The following OSBPL9 variants were observed in gnomAD, a reference collection of about 807,000 sequenced individuals.
The protein encoded by OSBPL9 is oxysterol-binding protein-related protein 9.
Under a neutral mutation model 106.6 loss-of-function variants are expected in OSBPL9, and 40 were observed. That is an observed-to-expected ratio of 0.38 (90% CI 0.29 to 0.49). OSBPL9 has a LOEUF of 0.49. Ranked by LOEUF, OSBPL9 falls within the 20% of genes least tolerant of loss-of-function variation. The pLI, the probability that OSBPL9 is intolerant of heterozygous loss-of-function variation, is 0.97. For missense variants in OSBPL9, 609 were observed against 887.2 expected, an observed-to-expected ratio of 0.69 and a Z score of 3.98; for synonymous variants, 269 against 295.4, an observed-to-expected ratio of 0.91 and a Z score of 0.92.
At chr1:51,533,770 G>A in the OSBPL9 span, among the ~76,000 whole-genome samples, 1 of 151,640 alleles carries the variant, frequency 6.6e-6, no homozygotes, top group Non-Finnish European at 1.5e-5. Flanking sequence ...AAATTATCTG[G>A]AACAGGCAAG....
chr1:51,527,674 G>A, the OSBPL9 span, among the ~76,000 whole-genome samples: 1 of 152,126 alleles, frequency 6.6e-6, no homozygotes, highest in Non-Finnish European at 1.5e-5. Context: ...GATTACAGAT[G>A]TGAGTCACTG....
At chr1:51,768,229 C>T (rs1206453776) in intron 12 of OSBPL9, among the ~76,000 whole-genome samples, 4 of 151,282 alleles carry the variant, frequency 2.6e-5, no homozygotes, top group Non-Finnish European at 5.9e-5. Flanking sequence ...GCATGAGCCA[C>T]CGCGCCCAGC....
At chr1:51,635,949 C>CTATTTATAGCTATAAGCTA (rs1553154449) in intron 1 of OSBPL9, among the ~76,000 whole-genome samples, 6 of 151,958 alleles carry the variant, frequency 3.9e-5, no homozygotes, top group Admixed American at 2.6e-4. Flanking sequence ...TATTTATAAT[C>CTATTTATAGCTATAAGCTA]TTTATCATGC....
In OSBPL9 at chr1:51,597,423, ATGTGTGTGTG is replaced by A. The variant is rs71063046; in HGVS notation, c.-422-673_-422-664del. 3.2e-3 allele frequency among the ~76,000 whole-genome samples: 440 copies of A among 135,834 alleles called. 2 individuals carry two copies. The highest frequency in any genetic ancestry group is 4.2e-3 in the Non-Finnish European group (270 of 64,828). 89.1% of individuals were successfully genotyped at this position (135,834 alleles called of 152,430 possible). ...AATATATGTGTGTATATATATATAT[ATGTGTGTGTG>A]TGTGTGTGTGTGTGTGTGTGTGTGT... On this transcript the variant is annotated intron_variant, in intron 1 of 25. Transcript: ENST00000371714.
the OSBPL9 span, among the ~76,000 whole-genome samples, chr1:51,521,598 C>A: frequency 6.7e-6 from 1 of 150,058 alleles, no homozygotes; most frequent in Non-Finnish European, 1.5e-5. Flanking sequence ...CTTACCCAGG[C>A]ATGGTGGCAC....
chr1:51,638,651 C>A (rs1379486674), intron 1 of OSBPL9, among the ~76,000 whole-genome samples: 2 of 151,962 alleles, frequency 1.3e-5, no homozygotes, highest in East Asian at 3.9e-4. Context: ...AGGCAGATCC[C>A]TTGAGTTCAG....
intron 3 of OSBPL9, among the ~76,000 whole-genome samples, chr1:51,685,208 G>A (rs1194386962): frequency 6.6e-6 from 1 of 152,104 alleles, no homozygotes; most frequent in East Asian, 1.9e-4. Context: ...TAATACCAAG[G>A]TTTTTGCATT....
At chr1:51,754,334 C>G (rs1669898265) in intron 8 of OSBPL9, among the ~76,000 whole-genome samples, 1 of 152,222 alleles carries the variant, frequency 6.6e-6, no homozygotes, top group Non-Finnish European at 1.5e-5. Context: ...ATAGTTGCTA[C>G]AAACTTAAAC....
chr1:51,719,288 G>T (rs1467472218), intron 4 of OSBPL9, among the ~76,000 whole-genome samples: 1 of 152,142 alleles, frequency 6.6e-6, no homozygotes, highest in African/African-American at 2.4e-5. Context: ...TCAGCTTATG[G>T]TATCTTTTCA....
chr1:51,621,566 CTT>C (rs1039567436), intron 1 of OSBPL9, among the ~76,000 whole-genome samples: 1 of 151,462 alleles, frequency 6.6e-6, no homozygotes, highest in African/African-American at 2.4e-5. Context: ...TATCAAAACA[CTT>C]TTATTACAGC....
chr1:51,685,413 C>CT (rs201739183), intron 3 of OSBPL9, among the ~76,000 whole-genome samples: 2,298 of 146,512 alleles, frequency 0.016, 51 homozygotes, highest in African/African-American at 0.05. Context: ...CCATGATAAT[C>CT]TTTTTTTTTT....
intron 13 of OSBPL9, among the ~76,000 whole-genome samples, 170 bp from the exon 14 acceptor site, chr1:51,772,435 A>G (rs575479204): frequency 6.6e-6 from 1 of 152,324 alleles, no homozygotes; most frequent in East Asian, 1.9e-4. Context: ...GAATTGCTTG[A>G]ACCTGGAAGA....
upstream of OSBPL9, chr1:51,616,977 C>A (rs953924852): frequency 3.2e-4 from 470 of 1,477,332 alleles, no homozygotes; most frequent in Non-Finnish European, 4.1e-4. Flanking sequence ...TTGACTTGAT[C>A]GCTGGAGCAT....
Position 51,682,829 on chromosome 1 carries a change from A to ATT in OSBPL9, c.241+13332_241+13333dup, listed in dbSNP as rs1292117134. 6.4e-3 allele frequency among the ~76,000 whole-genome samples: 915 copies of ATT among 142,028 alleles called. 7 individuals carry two copies. The highest frequency in any genetic ancestry group is 0.011 in the Non-Finnish European group (725 of 64,644). The allele number at this position is 142,028 out of a possible 152,430, so 93.2% of individuals were successfully genotyped here. A position where few individuals can be genotyped will look rare whatever the true frequency, so the allele number is the denominator to read the frequency against. On this transcript the variant is annotated intron_variant, in intron 3 of 23. Coordinates refer to ENST00000428468, the MANE Select transcript of OSBPL9 (RefSeq NM_024586.6). ...CTCTTCAACTTTATTTTCCTTTCTA[A>ATT]TTTTTTTTTTTTTTTTGGCTAGGAG...
intron 2 of OSBPL9, among the ~76,000 whole-genome samples, chr1:51,661,890 A>G (rs1052140362): frequency 1.3e-5 from 2 of 152,212 alleles, no homozygotes; most frequent in Admixed American, 6.5e-5. Context: ...ACCTTAAGCT[A>G]TTTAAGTGTA....
In OSBPL9 at chr1:51,788,061, G is replaced by A. The variant is rs992436123; in HGVS notation, c.*272G>A. ...TCTTCTCCTTTTCCAAACACCACAC[G>A]TTGAAAGCATTTATAAATCCAAGTC... On this transcript the variant is annotated 3_prime_UTR_variant, in exon 24 of 24. Coordinates refer to ENST00000428468, the MANE Select transcript of OSBPL9 (RefSeq NM_024586.6). The A allele has an allele frequency of 2.5e-5, 11 of 440,942 alleles. No homozygotes were observed. The highest frequency in any genetic ancestry group is 1.6e-4 in the African/African-American group (8 of 50,066). The allele number at this position is 440,942 out of a possible 1,614,324, so 27.3% of individuals were successfully genotyped here.
chr1:51,553,932 G>C, the OSBPL9 span, among the ~76,000 whole-genome samples: 1 of 152,208 alleles, frequency 6.6e-6, no homozygotes, highest in Admixed American at 6.5e-5. Context: ...ACCCGCCTCA[G>C]CCTCCCAAAC....
the OSBPL9 span, among the ~76,000 whole-genome samples, chr1:51,538,025 T>C: frequency 6.6e-6 from 1 of 152,062 alleles, no homozygotes; most frequent in Non-Finnish European, 1.5e-5. Flanking sequence ...GCATGGTGGC[T>C]CATGCCTGTA....
At chr1:51,739,989 C>CTT (rs780867712) in intron 4 of OSBPL9, among the ~76,000 whole-genome samples, 10 of 146,990 alleles carry the variant, frequency 6.8e-5, no homozygotes, top group Admixed American at 6.8e-4. Flanking sequence ...TTGGCATAAT[C>CTT]TTTTTTTTTT....
Sources: allele counts gnomAD v4.1 joint callset (sites outside exome capture counted in the v4.1 genomes callset), GRCh38; gene constraint gnomAD v4.1.1; transcripts MANE v1.5; gene names NCBI Gene and HGNC (gene_info 2026-07-23, HGNC 2026-07-21).